Variants in MEI1 observed in about 807,000 individuals in gnomAD.
MEI1 encodes meiosis inhibitor protein 1.
Under a neutral mutation model 146.2 loss-of-function variants are expected in MEI1, and 103 were observed. The observed-to-expected ratio is 0.70, with a 90% CI of 0.60 to 0.83. The LOEUF (loss-of-function observed/expected upper bound fraction) is 0.83. Among genes scored for constraint, MEI1 ranks in the 40% least tolerant of loss-of-function variants. The pLI is 0.00. For missense variants in MEI1, 1,529 were observed against 1,533.0 expected, an observed-to-expected ratio of 1.00 and a Z score of 0.04; for synonymous variants, 652 against 628.2, an observed-to-expected ratio of 1.04 and a Z score of -0.57.
rs2075151870 is a variant in MEI1, at chr22:41,771,032, A to T, written c.2544+71A>T. On this transcript the variant is annotated intron_variant, in intron 20 of 30. Transcript: ENST00000401548. ...TCTCTCTCTGAGAGCCGGTTTACTG[A>T]GGTCAGGAGGCACCCACATCTGCTT... 15 of 1,524,446 alleles carry T rather than the reference A, an allele frequency of 9.8e-6. No homozygotes were observed. The South Asian group carries it at 1.5e-4, about 15-fold the overall frequency. The allele number at this position is 1,524,446 out of a possible 1,614,324, so 94.4% of individuals were successfully genotyped here. A position where few individuals can be genotyped will look rare whatever the true frequency, so the allele number is the denominator to read the frequency against.
intron 4 of MEI1, among the ~76,000 whole-genome samples, chr22:41,715,538 G>T (rs1330666443): frequency 6.6e-6 from 1 of 151,846 alleles, no homozygotes; most frequent in African/African-American, 2.4e-5. Flanking sequence ...TGGGACTACA[G>T]GCGCCTCCCA....
rs1272455933 is a variant in MEI1, at chr22:41,798,162, CACACACACAT to C, written c.3780-1090_3780-1081del. 2.8e-3 allele frequency among the ~76,000 whole-genome samples: 311 copies of C among 112,948 alleles called. 1 individual carries two copies. Among genetic ancestry groups the C allele is most frequent in the South Asian group, 3.8e-3 (14 of 3,638 alleles). 74.1% of individuals were successfully genotyped at this position (112,948 alleles called of 152,430 possible). A position where few individuals can be genotyped will look rare whatever the true frequency, so the allele number is the denominator to read the frequency against. On this transcript the variant is annotated intron_variant, in intron 30 of 30. Transcript: ENST00000401548. ...ACACACACACACACACACACACACA[CACACACACAT>C]AGTGTGTGTCTCTGTGACTGCCATG...
At chr22:41,786,255 A>G (rs2075983230) in intron 26 of MEI1, among the ~76,000 whole-genome samples, 1 of 152,064 alleles carries the variant, frequency 6.6e-6, no homozygotes, top group South Asian at 2.1e-4. Context: ...CTATATTTCC[A>G]GGCTGGTCTC....
intron 11 of MEI1, among the ~76,000 whole-genome samples, chr22:41,737,808 A>G (rs2072511355): frequency 6.6e-6 from 1 of 152,126 alleles, no homozygotes; most frequent in South Asian, 2.1e-4. Flanking sequence ...GGCTCCTCAT[A>G]GGTAGTCAAT....
intron 20 of MEI1, among the ~76,000 whole-genome samples, chr22:41,774,990 T>C (rs1264628055): frequency 1.3e-5 from 2 of 152,152 alleles, no homozygotes; most frequent in African/African-American, 4.8e-5. Context: ...TCAGTAGCTG[T>C]CCTCCCTGGA....
intron 1 of MEI1, 69 bp from the exon 2 acceptor site, chr22:41,703,262 T>G: frequency 6.5e-7 from 1 of 1,533,490 alleles, no homozygotes; most frequent in East Asian, 2.3e-5. Flanking sequence ...TATTTGGAAA[T>G]TACGGTTGTT....
chr22:41,701,737 G>A (rs1051565254), intron 1 of MEI1, among the ~76,000 whole-genome samples: 7 of 152,212 alleles, frequency 4.6e-5, no homozygotes. Context: ...GTCAAGTGCT[G>A]TTCAGGGTAA....
At chr22:41,747,699 G>A (rs1057477772) in intron 14 of MEI1, among the ~76,000 whole-genome samples, 2 of 151,110 alleles carry the variant, frequency 1.3e-5, no homozygotes, top group Admixed American at 1.3e-4. Context: ...GCAAGACTCC[G>A]TCTCAAAGAA....
At chr22:41,700,749 ATTTTTTTTT>A (rs78862314) in intron 1 of MEI1, among the ~76,000 whole-genome samples, 74,865 of 117,526 alleles carry the variant, frequency 0.64, 24,182 homozygotes, top group East Asian at 0.89. Context: ...GCAGTTCTCA[ATTTTTTTTT>A]TTTTTTTTTT....
At chr22:41,723,735 C>T (rs368530675) in intron 6 of MEI1, among the ~76,000 whole-genome samples, 3 of 152,254 alleles carry the variant, frequency 2.0e-5, no homozygotes, top group African/African-American at 7.2e-5. Flanking sequence ...TCCCTAGACC[C>T]TTAGGCCTAG....
chr22:41,795,755 G>A lies in MEI1; in HGVS notation c.3687G>A (p.Leu1229=). 6.2e-7 allele frequency: 1 copy of A among 1,613,686 alleles called. No individual in the cohort carries two copies. Among genetic ancestry groups the A allele is most frequent in the South Asian group, 1.1e-5 (1 of 91,074 alleles). ...FFQQLQSMGH[L]ADHSMAQTLQ... is the part of the protein sequence containing the mutation. ...TGCAGCTCCAGAGCATGGGACACCT[G>A]GCTGACCACAGCATGGCCCAGACCC... Residue 1229 remains leucine (L), a synonymous_variant, in exon 30 of 31, where the codon CTG becomes CTA. Coordinates refer to ENST00000401548, the MANE Select transcript of MEI1 (RefSeq NM_152513.4). The surrounding 1 kb of genome is among the most constrained non-coding windows in gnomAD (Gnocchi z 4.2).
intron 18 of MEI1, among the ~76,000 whole-genome samples, chr22:41,761,029 C>T (rs1320437761): frequency 6.6e-6 from 1 of 152,082 alleles, no homozygotes; most frequent in African/African-American, 2.4e-5. Flanking sequence ...TGTCTCTTCC[C>T]TCACGGGTGC....
At chr22:41,757,601 CCCT>C (rs1461270484) in intron 17 of MEI1, among the ~76,000 whole-genome samples, 9 of 152,074 alleles carry the variant, frequency 5.9e-5, no homozygotes, top group Admixed American at 2.6e-4. Flanking sequence ...AGGTGATATA[CCCT>C]CCTCAGCCTC....
chr22:41,732,296 TAG>T lies in MEI1; in HGVS notation c.1151_1152del (p.Glu384AlafsTer11), dbSNP rs755972953. The T allele has an allele frequency of 6.2e-7, 1 of 1,612,558 alleles. No individual in the cohort carries two copies. The highest frequency in any genetic ancestry group is 2.2e-5 in the East Asian group (1 of 44,850). On this transcript the variant is annotated frameshift_variant, in exon 10 of 31. Coordinates refer to ENST00000401548, the MANE Select transcript of MEI1 (RefSeq NM_152513.4). LOFTEE classifies it high-confidence loss of function. ...CAGGGAAGCCTGAAGATGAACAACA[TAG>T]AGCTGCACAAGCAGGGCCTGCTGCT...
chr22:41,732,458 C>T lies in MEI1; in HGVS notation c.1197-11C>T. On this transcript the variant is annotated splice_polypyrimidine_tract_variant and intron_variant, in intron 10 of 30. Coordinates refer to ENST00000401548, the MANE Select transcript of MEI1 (RefSeq NM_152513.4). ...AGTTCACCTACTCGTTTCTCATCTT[C>T]CATTTCTCAGGCAGCCAGAGGAGAT... 2 of 1,613,782 alleles carry T rather than the reference C, an allele frequency of 1.2e-6. No individual in the cohort carries two copies. The highest frequency in any genetic ancestry group is 1.7e-6 in the Non-Finnish European group (2 of 1,179,818).
At chr22:41,778,888 G>A (rs1264318310) in intron 22 of MEI1, 76 bp downstream of exon 22, 2 of 1,047,944 alleles carry the variant, frequency 1.9e-6, no homozygotes, top group East Asian at 2.6e-5. Context: ...GTAGGCTGGT[G>A]TTCTTCTTTC....
At chr22:41,701,699 A>G (rs1569131958) in intron 1 of MEI1, among the ~76,000 whole-genome samples, 1 of 152,204 alleles carries the variant, frequency 6.6e-6, no homozygotes, top group Non-Finnish European at 1.5e-5. Flanking sequence ...AGAACATGTT[A>G]GAACTTAGAA....
At chr22:41,701,477 T>C (rs1277580101) in intron 1 of MEI1, among the ~76,000 whole-genome samples, 1 of 152,090 alleles carries the variant, frequency 6.6e-6, no homozygotes, top group Admixed American at 6.5e-5. Flanking sequence ...TGAGGAAGAC[T>C]AAGAACATTT....
intron 24 of MEI1, 100 bp downstream of exon 24, chr22:41,781,945 T>A: frequency 7.3e-7 from 1 of 1,370,392 alleles, no homozygotes. Flanking sequence ...TTATTAGCTG[T>A]GTGACCTTGG....
Sources: allele counts gnomAD v4.1 joint callset (sites outside exome capture counted in the v4.1 genomes callset), GRCh38; gene constraint gnomAD v4.1.1; non-coding constraint Gnocchi (gnomAD v3.1); transcripts MANE v1.5; gene names NCBI Gene and HGNC (gene_info 2026-07-23, HGNC 2026-07-21).